Variants in CYB5R4 observed in about 807,000 individuals in gnomAD.
The protein encoded by CYB5R4 is cytochrome b5 reductase 4.
CYB5R4 carries 55 observed loss-of-function variants against 70.2 expected under a neutral mutation model. The ratio of observed to expected loss-of-function variants is 0.78; its 90% CI spans 0.63 to 0.98. CYB5R4 has a LOEUF of 0.98. Among genes scored for constraint, CYB5R4 ranks in the 50% least tolerant of loss-of-function variants. CYB5R4 has a pLI of 0.00. For missense variants in CYB5R4, 562 were observed against 612.6 expected (o/e 0.92, Z 0.87); for synonymous variants, 197 against 199.5 (o/e 0.99, Z 0.11).
At chr6:83,910,094 G>C (rs1172832970) in intron 4 of CYB5R4, 3 of 1,612,578 alleles carry the variant, frequency 1.9e-6, no homozygotes, top group Non-Finnish European at 2.5e-6. Context: ...GTAGAGCTGA[G>C]GATGGAGATA....
chr6:83,921,010 T>TA, intron 7 of CYB5R4, 72 bp from the exon 8 acceptor site: 1 of 1,179,940 alleles, frequency 8.5e-7, no homozygotes, highest in Non-Finnish European at 1.1e-6. Context: ...CAGATCACCT[T>TA]AAAAGTATAG....
intron 10 of CYB5R4, among the ~76,000 whole-genome samples, chr6:83,933,772 A>G (rs1315559659): frequency 1.3e-5 from 2 of 152,130 alleles, no homozygotes; most frequent in Non-Finnish European, 2.9e-5. Flanking sequence ...GGATATTTCA[A>G]ATTTCTCTAG....
intron 3 of CYB5R4, among the ~76,000 whole-genome samples, chr6:83,906,895 A>G (rs1276628930): frequency 6.6e-6 from 1 of 152,208 alleles, no homozygotes; most frequent in Non-Finnish European, 1.5e-5. Flanking sequence ...ATAGTATTGT[A>G]TTGAATGGCA....
At chr6:83,941,125 TG>T (rs1296557218) in intron 14 of CYB5R4, among the ~76,000 whole-genome samples, 3 of 152,218 alleles carry the variant, frequency 2.0e-5, no homozygotes, top group Non-Finnish European at 4.4e-5. Context: ...TAGTGATCCT[TG>T]GTACACACTT....
In CYB5R4 at chr6:83,864,330, T is replaced by C; in HGVS notation, c.229+2T>C. ...ATGATTGTTGGATATGCATAAGAGG[T>C]AGGTGGTATTTATTAAGTCCTTCAA... is the stretch of plus-strand genomic sequence containing the variant. On this transcript the variant is annotated splice_donor_variant, in intron 2 of 15. Transcript: ENST00000369681. LOFTEE classifies it high-confidence loss of function. The C allele has an allele frequency of 1.2e-6, 2 of 1,606,796 alleles. No homozygotes were observed. The highest frequency in any genetic ancestry group is 1.7e-5 in the Admixed American group (1 of 58,444).
chr6:83,924,399 A>G, intron 9 of CYB5R4, 71 bp from the exon 10 acceptor site: 1 of 1,501,136 alleles, frequency 6.7e-7, no homozygotes, highest in Non-Finnish European at 9.1e-7. Context: ...ACTATTTGAG[A>G]AATACTGGTT....
At chr6:83,933,234 C>T (rs528307098) in intron 10 of CYB5R4, among the ~76,000 whole-genome samples, 1 of 152,250 alleles carries the variant, frequency 6.6e-6, no homozygotes, top group African/African-American at 2.4e-5. Context: ...AAGCCTGTGC[C>T]CTGGCACTAG....
At chr6:83,912,813 A>C (rs1049072676) in intron 4 of CYB5R4, among the ~76,000 whole-genome samples, 9 of 152,216 alleles carry the variant, frequency 5.9e-5, no homozygotes, top group African/African-American at 2.2e-4. Flanking sequence ...GAGTAGGAGA[A>C]TTTTTAAAGG....
At chr6:83,893,878 T>C (rs1257619911) in intron 3 of CYB5R4, among the ~76,000 whole-genome samples, 1 of 152,156 alleles carries the variant, frequency 6.6e-6, no homozygotes, top group Non-Finnish European at 1.5e-5. Flanking sequence ...TGTTGGTAAG[T>C]GTTTATTCAG....
chr6:83,905,409 G>A (rs1421370572), intron 3 of CYB5R4, among the ~76,000 whole-genome samples: 2 of 152,148 alleles, frequency 1.3e-5, no homozygotes, highest in East Asian at 3.8e-4. Flanking sequence ...TATCTGTGAT[G>A]TTGGTGGGGT....
intron 3 of CYB5R4, among the ~76,000 whole-genome samples, chr6:83,897,292 T>A (rs1447574433): frequency 6.6e-6 from 1 of 152,212 alleles, no homozygotes; most frequent in Non-Finnish European, 1.5e-5. Flanking sequence ...TGCCACATTT[T>A]CTTAATCCAG....
At chr6:83,865,167 C>T (rs1031953410) in intron 2 of CYB5R4, among the ~76,000 whole-genome samples, 1 of 152,138 alleles carries the variant, frequency 6.6e-6, no homozygotes, top group East Asian at 1.9e-4. Flanking sequence ...CTGCTCTGTC[C>T]TGAGTGGCTG....
chr6:83,934,241 TAA>T (rs371624011), intron 10 of CYB5R4, among the ~76,000 whole-genome samples: 4 of 133,506 alleles, frequency 3.0e-5, no homozygotes, highest in Non-Finnish European at 3.3e-5. Flanking sequence ...AAAAAAAAAT[TAA>T]AAAAAAAAAA....
At chr6:83,902,385 A>C (rs1462347751) in intron 3 of CYB5R4, among the ~76,000 whole-genome samples, 1 of 152,004 alleles carries the variant, frequency 6.6e-6, no homozygotes, top group Admixed American at 6.6e-5. Flanking sequence ...TTATATGTCT[A>C]GTTTCATACC....
intron 3 of CYB5R4, among the ~76,000 whole-genome samples, chr6:83,893,934 A>G (rs931780080): frequency 1.6e-4 from 25 of 152,164 alleles, no homozygotes; most frequent in African/African-American, 5.8e-4. Flanking sequence ...GGTAGTGACA[A>G]TTGGAAGAAG....
intron 10 of CYB5R4, among the ~76,000 whole-genome samples, chr6:83,930,558 C>T (rs565499970): frequency 1.1e-3 from 166 of 152,240 alleles, no homozygotes; most frequent in African/African-American, 3.7e-3. Flanking sequence ...TCTTCAGGCT[C>T]CACTTCTAAT....
chr6:83,918,746 G>C (rs971113690), intron 6 of CYB5R4, among the ~76,000 whole-genome samples: 30 of 151,942 alleles, frequency 2.0e-4, no homozygotes, highest in Admixed American at 3.3e-4. Context: ...TGTGTTCTCT[G>C]TAGTTTTTTC....
chr6:83,880,732 A>G (rs959450629), intron 2 of CYB5R4, among the ~76,000 whole-genome samples: 4 of 152,216 alleles, frequency 2.6e-5, no homozygotes, highest in Non-Finnish European at 5.9e-5. Flanking sequence ...ATAACGTCAC[A>G]TAAGATGATC....
intron 3 of CYB5R4, among the ~76,000 whole-genome samples, chr6:83,894,943 T>C (rs2099461627): frequency 6.6e-6 from 1 of 152,262 alleles, no homozygotes; most frequent in East Asian, 1.9e-4. Flanking sequence ...TCGGTTGCAG[T>C]TCAAACCTGT....
Sources: allele counts gnomAD v4.1 joint callset (sites outside exome capture counted in the v4.1 genomes callset), GRCh38; gene constraint gnomAD v4.1.1; transcripts MANE v1.5; gene names NCBI Gene and HGNC (gene_info 2026-07-23, HGNC 2026-07-21).